The following MATK variants were observed in gnomAD, a reference collection of about 807,000 sequenced individuals.
MATK encodes the protein megakaryocyte-associated tyrosine kinase, also known as megakaryocyte-associated tyrosine-protein kinase.
In MATK, 41 loss-of-function variants were observed where a neutral mutation model predicts 59.8. The ratio of observed to expected loss-of-function variants is 0.69; its 90% confidence interval spans 0.53 to 0.89. MATK has a LOEUF of 0.89. MATK is among the 40% of genes least tolerant of loss of function. MATK has a pLI of 0.00. For synonymous variants in MATK, 308 were observed against 306.1 expected (o/e 1.01, Z -0.06); for missense variants, 593 against 719.6 (o/e 0.82, Z 2.01).
upstream of MATK, chr19:3,786,417 C>G: frequency 2.0e-6 from 2 of 979,684 alleles, no homozygotes; most frequent in African/African-American, 1.8e-5. The surrounding 1 kb of genome is among the most constrained non-coding windows in gnomAD (Gnocchi z 4.1). Context: ...GCCGCCGGCC[C>G]CTCCCCGCCC....
rs143007830 is a variant in MATK at position 3,798,434 on chromosome 19, C to T, written c.-58+3098G>A. 8.5e-5 allele frequency among the ~76,000 whole-genome samples: 13 copies of T among 152,302 alleles called. No homozygotes were observed. In the East Asian group the frequency reaches 2.5e-3, roughly 29 times the overall value. On this transcript the variant is annotated intron_variant, in intron 1 of 13. Coordinates refer to the MATK transcript ENST00000395045. ...TTGGCAGCATCTGGAAGGCTTTTCTCATAGCCTGGCATCCAGCGTTCTAGA... is the reference window on the plus strand; with the variant it reads ...TTGGCAGCATCTGGAAGGCTTTTCTTATAGCCTGGCATCCAGCGTTCTAGA...
intron 1 of MATK, among the ~76,000 whole-genome samples, chr19:3,791,488 G>A (rs2037541684): frequency 6.6e-6 from 1 of 151,838 alleles, no homozygotes. Context: ...GATTACAGGT[G>A]CCCACCACCA....
intron 1 of MATK, among the ~76,000 whole-genome samples, chr19:3,793,563 G>A (rs1227371239): frequency 7.2e-5 from 11 of 152,312 alleles, no homozygotes; most frequent in South Asian, 2.1e-4. Context: ...TTAGCCAGGT[G>A]TGGTGGCGGG....
intron 1 of MATK, among the ~76,000 whole-genome samples, chr19:3,800,381 C>A (rs1222750433): frequency 1.3e-5 from 2 of 152,142 alleles, no homozygotes; most frequent in Non-Finnish European, 2.9e-5. Flanking sequence ...GTAGTCCCAG[C>A]ACTTTGGGAG....
rs781290611 is a variant in MATK at position 3,781,609 on chromosome 19, C to T, written c.740G>A (p.Gly247Glu). 25 of 1,613,868 alleles carry T rather than the reference C, an allele frequency of 1.5e-5. No homozygotes were observed. Among genetic ancestry groups the T allele is most frequent in the Non-Finnish European group, 1.9e-5 (22 of 1,179,970 alleles). Reference protein sequence around the residue: ...LGAQIGEGEFGAVLQGEYLGQ... With the variant: ...LGAQIGEGEFEAVLQGEYLGQ... ...CCCCAACCCAGTCCGCCACTCACCT[C>T]CAAACTCTCCCTCTCCGATCTGTGC... Residue 247 changes from glycine (G) to glutamate (E), a missense_variant and splice_region_variant, in exon 8 of 14, where the codon GGA (glycine) becomes GAA (glutamate). Gly to Glu is a moderately conservative substitution (Grantham distance 98, BLOSUM62 -2). Transcript: ENST00000310132.
upstream of MATK, among the ~76,000 whole-genome samples, chr19:3,788,255 A>G (rs991177789): frequency 3.7e-4 from 56 of 151,026 alleles, no homozygotes; most frequent in Non-Finnish European, 5.2e-4. Flanking sequence ...TTGGGAGGCC[A>G]AGGCGGGCAG....
Position 3,785,846 on chromosome 19 carries a change from G to C in MATK, c.-152+323C>G, listed in dbSNP as rs552008024. The C allele has an allele frequency of 1.9e-4, 29 of 153,006 alleles. 1 individual carries two copies. The highest frequency in any genetic ancestry group is 7.0e-4 in the African/African-American group (29 of 41,590). 9.5% of individuals were successfully genotyped at this position (153,006 alleles called of 1,614,324 possible). On this transcript the variant is annotated intron_variant, in intron 1 of 13. Transcript: ENST00000310132. ...CGCCAGCGCCGGGCCACTCGGGCAC[G>C]CAGGGCGCTACGCAGGGCCGCGCAC...
Position 3,783,986 on chromosome 19 carries a change from T to C in MATK, c.410A>G (p.Gln137Arg). ...CAGGAACAGCCCATCCTCGGGAGGC[T>C]GCAGCTGCTGGACAGCCTCCTGGCC... ...ISGQEAVQQL[Q>R]PPEDGLFLVR... Residue 137 changes from glutamine (Q) to arginine (R), a missense_variant, in exon 6 of 14, where the codon CAG becomes CGG. Coordinates refer to ENST00000310132, the MANE Select transcript of MATK (RefSeq NM_139355.3). 1 of 1,611,346 alleles carries C rather than the reference T, an allele frequency of 6.2e-7. No individual in the cohort carries two copies. Among genetic ancestry groups the C allele is most frequent in the Non-Finnish European group, 8.5e-7 (1 of 1,179,024 alleles).
chr19:3,782,021 T>G (rs931084513), intron 7 of MATK, among the ~76,000 whole-genome samples: 1 of 152,200 alleles, frequency 6.6e-6, no homozygotes, highest in Non-Finnish European at 1.5e-5. Context: ...CAAGGGGTAG[T>G]GCCAGGAAAC....
Position 3,779,729 on chromosome 19 carries a change from G to C in MATK, c.811C>G (p.Gln271Glu), listed in dbSNP as rs764281495. ...ACGGCCGTCTCGTCCAGGAAGGCCT[G>C]GGCTGTCACATCACACTTGATATTC... ...VKNIKCDVTA[Q>E]AFLDETAVMT... The change falls in exon 9 of 14, where the codon CAG becomes GAG. Residue 271 changes from glutamine to glutamate, a missense_variant. Transcript: ENST00000310132. 1.2e-6 allele frequency: 2 copies of C among 1,613,120 alleles called. No homozygotes were observed. The highest frequency in any genetic ancestry group is 2.2e-5 in the South Asian group (2 of 91,076).
In MATK at chr19:3,783,957, G is replaced by A. The variant is rs372255412; in HGVS notation, c.439C>T (p.Arg147Trp). The A allele has an allele frequency of 8.1e-6, 13 of 1,612,392 alleles. No homozygotes were observed. Among genetic ancestry groups the A allele is most frequent in the Non-Finnish European group, 1.0e-5 (12 of 1,179,672 alleles). The change falls in exon 6 of 14, where the codon CGG becomes TGG. Residue 147 changes from arginine (R) to tryptophan (W), a missense_variant. Transcript: ENST00000310132. ...TCGCCGGGGTGGCGCGCGGACTCCC[G>A]CACCAGGAACAGCCCATCCTCGGGA... ...QPPEDGLFLV[R>W]ESARHPGDYV... is the part of the protein sequence containing the mutation.
At chr19:3,790,711 G>A (rs973087772), upstream of MATK, among the ~76,000 whole-genome samples, 7 of 152,042 alleles carry the variant, frequency 4.6e-5, no homozygotes, top group African/African-American at 9.7e-5. Flanking sequence ...GCCCTTCCCC[G>A]CCGTGTCCAG....
At chr19:3,793,633 C>T (rs551280952) in intron 1 of MATK, among the ~76,000 whole-genome samples, 24 of 151,166 alleles carry the variant, frequency 1.6e-4, no homozygotes, top group Non-Finnish European at 2.8e-4. Context: ...ACCCGGGAGG[C>T]AGAGCTTGCA....
At chr19:3,800,156 GA>G (rs909557832) in intron 1 of MATK, among the ~76,000 whole-genome samples, 4 of 146,040 alleles carry the variant, frequency 2.7e-5, no homozygotes, top group Non-Finnish European at 4.5e-5. Flanking sequence ...AAAAAAAAAA[GA>G]AAAAAAGGAA....
intron 8 of MATK, among the ~76,000 whole-genome samples, chr19:3,780,900 T>A (rs1483106306): frequency 1.3e-5 from 2 of 150,838 alleles, no homozygotes; most frequent in Non-Finnish European, 1.5e-5. Context: ...TGTGCCTGGC[T>A]TTTTTTTTGT....
In MATK at chr19:3,778,139, C is replaced by G; in HGVS notation, c.*44G>C. The G allele has an allele frequency of 2.0e-6, 3 of 1,526,468 alleles. No homozygotes were observed. The highest frequency in any genetic ancestry group is 2.6e-6 in the Non-Finnish European group (3 of 1,143,048). The allele number at this position is 1,526,468 out of a possible 1,614,324, so 94.6% of individuals were successfully genotyped here. A position where few individuals can be genotyped will look rare whatever the true frequency, so the allele number is the denominator to read the frequency against. Reference sequence around the variant, plus strand: ...GGTCAGTGCCCCCACGCCGCACTCTCCACTCTCTCGGTCCTCTGGGGCCAA... The same window carrying G: ...GGTCAGTGCCCCCACGCCGCACTCTGCACTCTCTCGGTCCTCTGGGGCCAA... On this transcript the variant is annotated 3_prime_UTR_variant, in exon 14 of 14. Coordinates refer to ENST00000310132, the MANE Select transcript of MATK (RefSeq NM_139355.3).
intron 1 of MATK, among the ~76,000 whole-genome samples, chr19:3,794,368 A>G (rs1270665953): frequency 6.6e-6 from 1 of 152,188 alleles, no homozygotes; most frequent in Non-Finnish European, 1.5e-5. Flanking sequence ...AGTCTGAGGA[A>G]GGAGGCCAGG....
intron 1 of MATK, among the ~76,000 whole-genome samples, chr19:3,792,448 C>T (rs1764283030): frequency 6.6e-6 from 1 of 150,932 alleles, no homozygotes; most frequent in African/African-American, 2.4e-5. Context: ...CAATGCTGGG[C>T]AGTGTTAGGG....
chr19:3,786,532 C>CG (rs1272461025), upstream of MATK: 1 of 394,126 alleles, frequency 2.5e-6, no homozygotes, highest in African/African-American at 2.2e-5. The surrounding 1 kb of genome is among the most constrained non-coding windows in gnomAD (Gnocchi z 4.1). Context: ...CGTGCACCCC[C>CG]CACCCACCCT....
Sources: allele counts gnomAD v4.1 joint callset (sites outside exome capture counted in the v4.1 genomes callset), GRCh38; gene constraint gnomAD v4.1.1; non-coding constraint Gnocchi (gnomAD v3.1); transcripts MANE v1.5; gene names NCBI Gene and HGNC (gene_info 2026-07-23, HGNC 2026-07-21).